The following MPHOSPH9 variants were observed in gnomAD, a reference collection of about 807,000 sequenced individuals.
The protein encoded by MPHOSPH9 is M-phase phosphoprotein 9.
MPHOSPH9 carries 88 observed loss-of-function variants against 145.5 expected under a neutral mutation model. The ratio of observed to expected loss-of-function variants is 0.60; its 90% CI spans 0.51 to 0.72. The LOEUF (loss-of-function observed/expected upper bound fraction) is 0.72, where lower values mean the gene tolerates loss of function less well. Among genes scored for constraint, MPHOSPH9 ranks in the 30% least tolerant of loss-of-function variants. MPHOSPH9 has a pLI of 0.00. For missense variants in MPHOSPH9, 1,238 were observed against 1,386.6 expected (o/e 0.89, Z 1.70); for synonymous variants, 435 against 486.2 (o/e 0.89, Z 1.39).
At chr12:123,210,977 C>CTTTTTTTTTTTT (rs907442708) in intron 7 of MPHOSPH9, among the ~76,000 whole-genome samples, 1 of 89,786 alleles carries the variant, frequency 1.1e-5, no homozygotes, top group Non-Finnish European at 2.1e-5. Context: ...TTTGTTTTTT[C>CTTTTTTTTTTTT]TTTTTTTTTT....
At chr12:123,231,504 T>G (rs2047633596) in intron 1 of MPHOSPH9, among the ~76,000 whole-genome samples, 1 of 152,154 alleles carries the variant, frequency 6.6e-6, no homozygotes, top group African/African-American at 2.4e-5. Context: ...TATGGTCTTT[T>G]GTCTCTGTGC....
intron 13 of MPHOSPH9, among the ~76,000 whole-genome samples, chr12:123,183,558 A>AAG (rs1208385600): frequency 1.3e-5 from 2 of 151,302 alleles, no homozygotes; most frequent in East Asian, 3.9e-4. Flanking sequence ...AAAAAAAAAA[A>AAG]AAAAAAAAAA....
At chr12:123,198,155 G>T in intron 12 of MPHOSPH9, 92 bp downstream of exon 12, 2 of 946,678 alleles carry the variant, frequency 2.1e-6, no homozygotes, top group Non-Finnish European at 3.3e-6. Context: ...AACTTCATAA[G>T]CCTTCCTTAA....
intron 15 of MPHOSPH9, among the ~76,000 whole-genome samples, chr12:123,178,731 CCAGG>C (rs1250297369): frequency 6.6e-6 from 1 of 152,184 alleles, no homozygotes; most frequent in Non-Finnish European, 1.5e-5. Context: ...GCCATGTTAG[CCAGG>C]CTGGTCTTGA....
At chr12:123,178,595 C>T (rs2138070730) in intron 15 of MPHOSPH9, among the ~76,000 whole-genome samples, 1 of 152,264 alleles carries the variant, frequency 6.6e-6, no homozygotes, top group East Asian at 1.9e-4. Context: ...GTGATCTTGG[C>T]TCACTGCAAC....
chr12:123,219,388 G>A lies in MPHOSPH9; in HGVS notation c.873-889C>T, dbSNP rs374989323. Among the ~76,000 whole-genome samples the A allele has an allele frequency of 1.6e-4, 24 of 150,088 alleles. No homozygotes were observed. In the East Asian group the frequency reaches 1.8e-3, roughly 11 times the overall value. On this transcript the variant is annotated intron_variant, in intron 5 of 23. Transcript: ENST00000606320. Reference sequence around the variant, plus strand: ...CTGAGGCGGGTGGATCACAAGGTCAGGAGATCGAGACCATCCTGGCTAACA... The same window carrying A: ...CTGAGGCGGGTGGATCACAAGGTCAAGAGATCGAGACCATCCTGGCTAACA...
intron 19 of MPHOSPH9, 50 bp from the exon 20 acceptor site, chr12:123,163,184 G>C: frequency 6.8e-7 from 1 of 1,477,770 alleles, no homozygotes; most frequent in East Asian, 2.5e-5. Flanking sequence ...ATATGTATCA[G>C]CATAACAGTT....
rs907442708 is a variant in MPHOSPH9, at chr12:123,210,977, C to CTT, written c.1088-817_1088-816dup. ...CCAGCTAATTTTTGGTTTGTTTTTT[C>CTT]TTTTTTTTTTTTTTTTTTTTTTTTT... On this transcript the variant is annotated intron_variant, in intron 7 of 23. Coordinates refer to ENST00000606320, the MANE Select transcript of MPHOSPH9 (RefSeq NM_022782.4). Among the ~76,000 whole-genome samples the CTT allele has an allele frequency of 6.3e-3, 561 of 89,756 alleles. 25 individuals are homozygous for CTT. Among genetic ancestry groups the CTT allele is most frequent in the South Asian group, 0.017 (48 of 2,808 alleles). 58.9% of individuals were successfully genotyped at this position (89,756 alleles called of 152,430 possible).
At chr12:123,189,931 A>G (rs1429150295) in intron 13 of MPHOSPH9, among the ~76,000 whole-genome samples, 1 of 151,140 alleles carries the variant, frequency 6.6e-6, no homozygotes, top group Non-Finnish European at 1.5e-5. Flanking sequence ...GCGAGACTCC[A>G]TCTCAAAAAA....
chr12:123,203,157 C>A, intron 9 of MPHOSPH9, 73 bp from the exon 10 acceptor site: 1 of 1,588,584 alleles, frequency 6.3e-7, no homozygotes, highest in Non-Finnish European at 8.6e-7. Flanking sequence ...AGTGAGTAGG[C>A]TTTAGATCTC....
chr12:123,176,866 C>T, intron 15 of MPHOSPH9, 77 bp from the exon 16 acceptor site: 4 of 1,130,208 alleles, frequency 3.5e-6, no homozygotes, highest in Non-Finnish European at 5.2e-6. Flanking sequence ...GTTTATTTAA[C>T]AGACCCTCCT....
At position 123,162,119 on chromosome 12, in the gene MPHOSPH9, C is replaced by A; in HGVS notation, c.3129G>T (p.Ser1043=). The A allele has an allele frequency of 6.5e-7, 1 of 1,548,922 alleles. No individual in the cohort carries two copies. Among genetic ancestry groups the A allele is most frequent in the Non-Finnish European group, 8.8e-7 (1 of 1,140,286 alleles). Residue 1043 remains serine (S), a synonymous_variant, in exon 21 of 24, where the codon TCG becomes TCT. Transcript: ENST00000606320. The part of the protein sequence containing the change: ...KQLQFLPLDD[S]EEKTYSEKAT... ...ATATTTTTTAGGAAAAGATACCTTC[C>A]GAGTCATCTAGAGGAAGAAACTGGA...
chr12:123,182,257 TTTTG>T (rs2045209579), intron 13 of MPHOSPH9, among the ~76,000 whole-genome samples: 1 of 70,108 alleles, frequency 1.4e-5, no homozygotes, highest in Non-Finnish European at 4.1e-5. Context: ...GTGTTTTTTT[TTTTG>T]TTTTTTTTTT....
chr12:123,223,187 C>T, intron 3 of MPHOSPH9, 60 bp from the exon 4 acceptor site: 2 of 1,088,476 alleles, frequency 1.8e-6, no homozygotes, highest in Non-Finnish European at 2.4e-6. Context: ...TTTCACAGAA[C>T]AATTCCTCCA....
intron 13 of MPHOSPH9, among the ~76,000 whole-genome samples, chr12:123,185,820 C>T (rs1195725764): frequency 6.6e-6 from 1 of 151,972 alleles, no homozygotes; most frequent in East Asian, 1.9e-4. Context: ...AACAATACAT[C>T]TATAAAGGAT....
At chr12:123,200,404 C>T (rs935324057) in intron 11 of MPHOSPH9, among the ~76,000 whole-genome samples, 7 of 151,894 alleles carry the variant, frequency 4.6e-5, no homozygotes, top group African/African-American at 1.7e-4. Context: ...ACTCCAGTAA[C>T]CAAGCCTGCC....
intron 13 of MPHOSPH9, among the ~76,000 whole-genome samples, chr12:123,183,566 AAAAAG>A (rs1593123138): frequency 4.0e-5 from 6 of 151,234 alleles, no homozygotes; most frequent in East Asian, 3.9e-4. Flanking sequence ...AAAAAAAAAA[AAAAAG>A]AAAAAGGAAA....
intron 15 of MPHOSPH9, among the ~76,000 whole-genome samples, chr12:123,178,165 C>T (rs1049814980): frequency 7.2e-5 from 11 of 152,198 alleles, no homozygotes; most frequent in Non-Finnish European, 1.6e-4. Flanking sequence ...CCTCAGTCTC[C>T]CAAGCAGCTG....
chr12:123,203,960 T>C (rs528218979), intron 8 of MPHOSPH9, among the ~76,000 whole-genome samples: 1 of 152,200 alleles, frequency 6.6e-6, no homozygotes, highest in Non-Finnish European at 1.5e-5. Context: ...GTGCTGGGAT[T>C]ACAGGCATGA....
Sources: allele counts gnomAD v4.1 joint callset (sites outside exome capture counted in the v4.1 genomes callset), GRCh38; gene constraint gnomAD v4.1.1; transcripts MANE v1.5; gene names NCBI Gene and HGNC (gene_info 2026-07-23, HGNC 2026-07-21).